GTF3C5: variants seen among roughly 807,000 people sequenced by gnomAD.
The protein encoded by GTF3C5 is general transcription factor 3C polypeptide 5.
In GTF3C5, 47 loss-of-function variants were observed where a neutral mutation model predicts 61.0. That is an observed-to-expected ratio of 0.77 (90% CI 0.61 to 0.98). The LOEUF is 0.98. Among genes scored for constraint, GTF3C5 ranks in the 50% least tolerant of loss-of-function variants. GTF3C5 has a pLI of 0.00. For missense variants in GTF3C5, 659 were observed against 703.3 expected, an observed-to-expected ratio of 0.94 and a Z score of 0.71; for synonymous variants, 295 against 275.4, an observed-to-expected ratio of 1.07 and a Z score of -0.71.
At chr9:133,035,010 C>G (rs1197751885) in intron 1 of GTF3C5, among the ~76,000 whole-genome samples, 1 of 152,162 alleles carries the variant, frequency 6.6e-6, no homozygotes, top group Non-Finnish European at 1.5e-5. Flanking sequence ...GGTTAAGTGA[C>G]TCTTCAGAGT....
At chr9:133,037,388 A>G (rs1849897555) in intron 1 of GTF3C5, among the ~76,000 whole-genome samples, 1 of 152,162 alleles carries the variant, frequency 6.6e-6, no homozygotes. Flanking sequence ...ATAAGGGGAC[A>G]CACCGGGTTC....
chr9:133,053,981 C>G (rs746388559), intron 6 of GTF3C5, 39 bp downstream of exon 6: 1 of 1,197,828 alleles, frequency 8.3e-7, no homozygotes, highest in African/African-American at 1.5e-5. Flanking sequence ...GCCTTTCTCT[C>G]TCTTTATCTT....
intron 4 of GTF3C5, 92 bp from the exon 5 acceptor site, chr9:133,051,968 G>A: frequency 1.6e-6 from 1 of 632,822 alleles, no homozygotes; most frequent in Non-Finnish European, 2.8e-6. Flanking sequence ...CTCTCTGGAG[G>A]GGCCGCTGGG....
chr9:133,054,707 C>A lies in GTF3C5; in HGVS notation c.1070-5C>A. 6.4e-7 allele frequency: 1 copy of A among 1,562,016 alleles called. No homozygotes were observed. Among genetic ancestry groups the A allele is most frequent in the South Asian group, 1.2e-5 (1 of 84,858 alleles). On this transcript the variant is annotated splice_polypyrimidine_tract_variant and splice_region_variant and intron_variant, in intron 7 of 10. Coordinates refer to ENST00000372097, the MANE Select transcript of GTF3C5 (RefSeq NM_012087.4). ...ATTCCAAGCACTGCTGTTGTCCCCA[C>A]GCAGCCAGCCAGCTTGTCACCATGC...
At chr9:133,048,702 C>T (rs971629954) in intron 3 of GTF3C5, among the ~76,000 whole-genome samples, 6 of 151,852 alleles carry the variant, frequency 4.0e-5, no homozygotes, top group African/African-American at 1.5e-4. Context: ...TCAGCACTGC[C>T]GCCCCTGGCA....
At position 133,056,099 on chromosome 9, in the gene GTF3C5, G is replaced by A. The variant is rs752394849; in HGVS notation, c.1250+5G>A. ...ATGCGACTTGAATGTGGAAGAGTAC[G>A]TATGGGAGGGGCCCTGAGACACTGA... is the stretch of plus-strand genomic sequence containing the variant. On this transcript the variant is annotated splice_donor_5th_base_variant and intron_variant, in intron 9 of 10. Coordinates refer to ENST00000372097, the MANE Select transcript of GTF3C5 (RefSeq NM_012087.4). The A allele has an allele frequency of 3.7e-6, 6 of 1,612,732 alleles. No homozygotes were observed. The highest frequency in any genetic ancestry group is 1.3e-5 in the African/African-American group (1 of 74,922).
intron 8 of GTF3C5, 93 bp downstream of exon 8, chr9:133,054,902 C>A (rs1406915189): frequency 6.5e-7 from 1 of 1,538,512 alleles, no homozygotes; most frequent in Non-Finnish European, 8.8e-7. Context: ...GTGATTAGGG[C>A]AGCTCTGCCC....
chr9:133,043,426 A>T (rs1273118751), intron 2 of GTF3C5, among the ~76,000 whole-genome samples: 1 of 152,218 alleles, frequency 6.6e-6, no homozygotes, highest in African/African-American at 2.4e-5. Context: ...GGTTGGTGCA[A>T]AGGTAATTGC....
At position 133,053,942 on chromosome 9, in the gene GTF3C5, G is replaced by T; in HGVS notation, c.988G>T (p.Gly330Cys). 1.3e-6 allele frequency: 2 copies of T among 1,579,638 alleles called. No homozygotes were observed. The highest frequency in any genetic ancestry group is 1.7e-5 in the Admixed American group (1 of 59,048). The change falls in exon 6 of 11, where the codon GGT becomes TGT. Residue 330 changes from glycine (G) to cysteine (C), a missense_variant and splice_region_variant. Gly to Cys is a radical substitution (Grantham distance 159). Transcript: ENST00000372097. Reference sequence around the variant, plus strand: ...CCGAATCCGTTGTGGAATGAAACACGGTAAAAATTCCTGAAAGCTTTGCTT... The same window carrying T: ...CCGAATCCGTTGTGGAATGAAACACTGTAAAAATTCCTGAAAGCTTTGCTT... ...DFRIRCGMKH[G>C]YAPSDLPVKA...
At chr9:133,054,509 T>G (rs1407840442) in intron 7 of GTF3C5, 21 bp downstream of exon 7, 24 of 1,608,882 alleles carry the variant, frequency 1.5e-5, no homozygotes, top group Non-Finnish European at 2.0e-5. Flanking sequence ...CAGGCGCCTT[T>G]TGTGGGTCAT....
intron 1 of GTF3C5, among the ~76,000 whole-genome samples, chr9:133,033,415 G>C (rs753172560): frequency 2.2e-4 from 34 of 152,272 alleles, no homozygotes; most frequent in South Asian, 2.1e-4. Flanking sequence ...CCATACATCT[G>C]CTCAGGATAA....
At position 133,053,717 on chromosome 9, in the gene GTF3C5, G is replaced by C; in HGVS notation, c.874-111G>C. On this transcript the variant is annotated intron_variant, in intron 5 of 10. Transcript: ENST00000372097. ...GTGGCAGAGCAGGGCTGGGCATCCA[G>C]AGCCCTGTCCCCAGCTCCTGAGCTC... The C allele has an allele frequency of 4.8e-6, 3 of 627,740 alleles. No homozygotes were observed. The South Asian group carries it at 7.4e-5, about 15-fold the overall frequency. The allele number at this position is 627,740 out of a possible 1,614,324, so 38.9% of individuals were successfully genotyped here.
chr9:133,031,130 T>G lies in GTF3C5; in HGVS notation c.119T>G (p.Leu40Arg). ...PGVVRDVAKM[L>R]PTLGGEEGVS... The stretch of plus-strand genomic sequence containing the variant: ...GTGGTGCGTGATGTGGCTAAGATGC[T>G]GCCGACTCTGGGCGGCGAGGAAGGC... Residue 40 changes from leucine to arginine, a missense_variant, in exon 1 of 11, where the codon CTG (leucine) becomes CGG (arginine). Coordinates refer to ENST00000372097, the MANE Select transcript of GTF3C5 (RefSeq NM_012087.4). 1 of 1,595,574 alleles carries G rather than the reference T, an allele frequency of 6.3e-7. No individual in the cohort carries two copies. The highest frequency in any genetic ancestry group is 8.5e-7 in the Non-Finnish European group (1 of 1,170,012).
intron 1 of GTF3C5, among the ~76,000 whole-genome samples, chr9:133,032,364 G>A (rs1457590197): frequency 6.6e-6 from 1 of 152,168 alleles, no homozygotes; most frequent in Non-Finnish European, 1.5e-5. Flanking sequence ...TTACAGTGAC[G>A]GGACGAGCGA....
At chr9:133,045,789 A>G (rs1850184953) in intron 3 of GTF3C5, among the ~76,000 whole-genome samples, 1 of 151,910 alleles carries the variant, frequency 6.6e-6, no homozygotes, top group African/African-American at 2.4e-5. Flanking sequence ...GGCGCCCACC[A>G]GTACGCCCAG....
chr9:133,051,285 A>G (rs1353845734), intron 4 of GTF3C5, among the ~76,000 whole-genome samples: 1 of 152,234 alleles, frequency 6.6e-6, no homozygotes, highest in African/African-American at 2.4e-5. Flanking sequence ...CACTCATTGC[A>G]GCCAAGCCAG....
Position 133,057,947 on chromosome 9 carries a change from C to T in GTF3C5, c.1527C>T (p.Asn509=), listed in dbSNP as rs543316151. 62 of 1,613,972 alleles carry T rather than the reference C, an allele frequency of 3.8e-5. No homozygotes were observed. The South Asian group carries it at 4.8e-4, about 13-fold the overall frequency. ...EDFKPSDGSE[N]EMETEILDYV ...TCAAGCCATCCGACGGCAGTGAAAA[C>T]GAAATGGAGACAGAGATTCTGGACT... The change falls in exon 11 of 11, where the codon AAC becomes AAT. Residue 509 remains asparagine (N), a synonymous_variant. Transcript: ENST00000372097.
At chr9:133,053,092 G>A (rs1029339958) in intron 5 of GTF3C5, among the ~76,000 whole-genome samples, 3 of 152,102 alleles carry the variant, frequency 2.0e-5, no homozygotes, top group Admixed American at 6.5e-5. Context: ...TGCCTGTCTC[G>A]GTCTCCCAAA....
At chr9:133,041,337 A>C (rs996611669) in intron 1 of GTF3C5, among the ~76,000 whole-genome samples, 2 of 152,216 alleles carry the variant, frequency 1.3e-5, no homozygotes, top group East Asian at 3.8e-4. Flanking sequence ...TTCAGTGGTC[A>C]CGCTCCTAGT....
Sources: gnomAD v4.1 joint callset for allele counts (sites outside exome capture counted in the v4.1 genomes callset) on GRCh38, gnomAD v4.1.1 for gene constraint, MANE v1.5 for transcripts, NCBI Gene and HGNC (gene_info 2026-07-23, HGNC 2026-07-21) for gene names.